The following MRO variants were observed in gnomAD, a reference collection of about 807,000 sequenced individuals.
MRO encodes maestro.
MRO carries 28 observed loss-of-function variants against 31.0 expected under a neutral mutation model. The observed-to-expected ratio is 0.90, with a 90% CI of 0.67 to 1.24. The LOEUF is 1.24. Ranked by LOEUF, MRO falls within the 50% of genes most tolerant of loss-of-function variation. MRO has a pLI of 0.00. For synonymous variants in MRO, 108 were observed against 108.4 expected (o/e 1.00, Z 0.02); for missense variants, 332 against 289.2 (o/e 1.15, Z -1.07).
At chr18:50,825,060 G>A (rs1056471090) in intron 1 of MRO, among the ~76,000 whole-genome samples, 13 of 139,826 alleles carry the variant, frequency 9.3e-5, no homozygotes, top group Non-Finnish European at 6.2e-5. Context: ...GGCCACAAGA[G>A]CAAGATTCCA....
At position 50,798,688 on chromosome 18, in the gene MRO, T is replaced by C. The variant is rs1444314438; in HGVS notation, c.*649A>G. ...CACTCGGTGTTACCTACTATTGTTA[T>C]CCCGTAAGTTATCATGAGCCTGAGG... On this transcript the variant is annotated 3_prime_UTR_variant, in exon 8 of 8. Transcript: ENST00000398439. 6.6e-6 allele frequency: 1 copy of C among 152,258 alleles called. No homozygotes were observed. The highest frequency in any genetic ancestry group is 2.4e-5 in the African/African-American group (1 of 41,456). The allele number at this position is 152,258 out of a possible 1,614,324, so 9.4% of individuals were successfully genotyped here.
rs61056069 is a variant in MRO, at chr18:50,818,093, C to A, written c.-5+1488G>T. The stretch of plus-strand genomic sequence containing the variant: ...ATCCAACAAAAACAAAAGGATCATT[C>A]TCATCTGTTGCAACACAGGATCTCA... On this transcript the variant is annotated intron_variant, in intron 2 of 7. Coordinates refer to ENST00000398439, the MANE Select transcript of MRO (RefSeq NM_031939.6). Among the ~76,000 whole-genome samples, 438 of 151,036 alleles carry A rather than the reference C, an allele frequency of 2.9e-3. 3 individuals carry two copies. Among genetic ancestry groups the A allele is most frequent in the African/African-American group, 9.8e-3 (403 of 41,096 alleles).
Position 50,799,218 on chromosome 18 carries a change from C to T in MRO, c.*119G>A, listed in dbSNP as rs1337428627. On this transcript the variant is annotated 3_prime_UTR_variant, in exon 8 of 8. Transcript: ENST00000398439. ...CCTTTGATTGCTCTCCCAGCACCCT[C>T]TTTCCCATTACAATCCCAAGAGGCA... The T allele has an allele frequency of 1.1e-6, 1 of 872,548 alleles. No homozygotes were observed. The highest frequency in any genetic ancestry group is 2.5e-5 in the East Asian group (1 of 40,706). 54.1% of individuals were successfully genotyped at this position (872,548 alleles called of 1,614,324 possible). A position where few individuals can be genotyped will look rare whatever the true frequency, so the allele number is the denominator to read the frequency against.
chr18:50,798,844 G>C lies in MRO; in HGVS notation c.*493C>G, dbSNP rs2144569131. The C allele has an allele frequency of 6.6e-6, 1 of 151,762 alleles. No homozygotes were observed. Among genetic ancestry groups the C allele is most frequent in the Non-Finnish European group, 1.5e-5 (1 of 68,112 alleles). 9.4% of individuals were successfully genotyped at this position (151,762 alleles called of 1,614,324 possible). A position where few individuals can be genotyped will look rare whatever the true frequency, so the allele number is the denominator to read the frequency against. ...TGCAAGCCACCTTCTTGGTATCTTGGCCAACTTTAAATAAATCTTGGCAAG... is the reference window on the plus strand; with the variant it reads ...TGCAAGCCACCTTCTTGGTATCTTGCCCAACTTTAAATAAATCTTGGCAAG... On this transcript the variant is annotated 3_prime_UTR_variant, in exon 8 of 8. Coordinates refer to ENST00000398439, the MANE Select transcript of MRO (RefSeq NM_031939.6).
chr18:50,801,368 C>T lies in MRO; in HGVS notation c.566G>A (p.Arg189Lys), dbSNP rs149505571. The T allele has an allele frequency of 2.5e-6, 4 of 1,592,592 alleles. No individual in the cohort carries two copies. The highest frequency in any genetic ancestry group is 3.4e-6 in the Non-Finnish European group (4 of 1,167,310). Residue 189 changes from arginine (R) to lysine (K), a missense_variant, in exon 6 of 8, where the codon AGA becomes AAA. Arg to Lys is a conservative substitution (Grantham distance 26). Transcript: ENST00000398439. ...TCTTACCTTGGCAACCTGGGGATTTCTGTCCTGTAAATGGATCAGGAGGGA... is the reference window on the plus strand; with the variant it reads ...TCTTACCTTGGCAACCTGGGGATTTTTGTCCTGTAAATGGATCAGGAGGGA... ...RDSLLIHLQD[R>K]NPQVAKACKT... is the part of the protein sequence containing the mutation.
chr18:50,797,939 T>G lies in MRO; in HGVS notation c.*1398A>C, dbSNP rs988495386. Reference sequence around the variant, plus strand: ...CTCCCACATCCTCATCTCGCCTAGGTCTCTCCTCATCCCCGCATCTGTGTC... The same window carrying G: ...CTCCCACATCCTCATCTCGCCTAGGGCTCTCCTCATCCCCGCATCTGTGTC... On this transcript the variant is annotated 3_prime_UTR_variant, in exon 8 of 8. Coordinates refer to ENST00000398439, the MANE Select transcript of MRO (RefSeq NM_031939.6). The G allele has an allele frequency of 6.6e-6, 1 of 152,446 alleles. No individual in the cohort carries two copies. Among genetic ancestry groups the G allele is most frequent in the Non-Finnish European group, 1.5e-5 (1 of 68,070 alleles). 9.4% of individuals were successfully genotyped at this position (152,446 alleles called of 1,614,324 possible).
At chr18:50,818,183 G>A (rs761416925) in intron 2 of MRO, among the ~76,000 whole-genome samples, 2 of 152,162 alleles carry the variant, frequency 1.3e-5, no homozygotes, top group Non-Finnish European at 2.9e-5. Flanking sequence ...TTCTTAGGAT[G>A]TTCTAACTCC....
At chr18:50,821,089 G>A (rs1915283886), upstream of MRO, among the ~76,000 whole-genome samples, 1 of 152,210 alleles carries the variant, frequency 6.6e-6, no homozygotes. Context: ...TGCTGCAAAA[G>A]GAAAGCAATA....
chr18:50,804,972 A>C (rs1221856726), intron 5 of MRO, among the ~76,000 whole-genome samples, 182 bp downstream of exon 5: 2 of 151,902 alleles, frequency 1.3e-5, no homozygotes, highest in Admixed American at 1.3e-4. Context: ...TTTGTATTTT[A>C]GTAAAGATAG....
At chr18:50,824,780 CAA>C (rs1214268733), upstream of MRO, among the ~76,000 whole-genome samples, 8 of 105,540 alleles carry the variant, frequency 7.6e-5, no homozygotes, top group Admixed American at 1.0e-4. Flanking sequence ...AAAAAAAGTT[CAA>C]AAAAAAAAAA....
Position 50,801,361 on chromosome 18 carries a change from G to A in MRO, c.573C>T (p.Pro191=), listed in dbSNP as rs758116459. Residue 191 remains proline (P), a synonymous_variant, in exon 6 of 8, where the codon CCC becomes CCT. Transcript: ENST00000398439. ...GTCAAGGTCTTACCTTGGCAACCTG[G>A]GGATTTCTGTCCTGTAAATGGATCA... The part of the protein sequence containing the change: ...SLLIHLQDRN[P]QVAKACKTTF... The A allele has an allele frequency of 2.6e-5, 41 of 1,583,164 alleles. No individual in the cohort carries two copies. Among genetic ancestry groups the A allele is most frequent in the Non-Finnish European group, 3.4e-5 (39 of 1,161,888 alleles).
chr18:50,807,811 A>T (rs1914090822), intron 3 of MRO, among the ~76,000 whole-genome samples: 1 of 152,186 alleles, frequency 6.6e-6, no homozygotes. Context: ...ACTAAACTCT[A>T]TCATGCCTGT....
chr18:50,799,924 G>T, intron 7 of MRO, 112 bp downstream of exon 7: 1 of 734,706 alleles, frequency 1.4e-6, no homozygotes, highest in Non-Finnish European at 2.3e-6. Flanking sequence ...AAACATAGTT[G>T]GCCTGAGTCA....
intron 2 of MRO, among the ~76,000 whole-genome samples, chr18:50,818,038 C>A (rs1382203072): frequency 6.9e-6 from 1 of 144,698 alleles, no homozygotes; most frequent in Non-Finnish European, 1.5e-5. Flanking sequence ...TGCCTCCCTC[C>A]TTTCTAAAAC....
chr18:50,795,215 A>G lies in MRO; in HGVS notation c.*4122T>C, dbSNP rs185182757. On this transcript the variant is annotated 3_prime_UTR_variant, in exon 8 of 8. Transcript: ENST00000398439. ...ACAGATTAAAACAAAATGTCTCAAA[A>G]AGACAAAGGCAAACACATACTATTG... 6.6e-6 allele frequency: 1 copy of G among 152,314 alleles called. No individual in the cohort carries two copies. The highest frequency in any genetic ancestry group is 6.5e-5 in the Admixed American group (1 of 15,296). The allele number at this position is 152,314 out of a possible 1,614,324, so 9.4% of individuals were successfully genotyped here.
intron 2 of MRO, among the ~76,000 whole-genome samples, chr18:50,813,195 G>A (rs1429344337): frequency 6.6e-6 from 1 of 152,150 alleles, no homozygotes; most frequent in East Asian, 1.9e-4. Context: ...GCTCCATTCT[G>A]GAGAGGTCCA....
upstream of MRO, among the ~76,000 whole-genome samples, chr18:50,824,815 C>A (rs900610858): frequency 4.7e-5 from 7 of 149,828 alleles, no homozygotes; most frequent in Non-Finnish European, 1.0e-4. Context: ...TGGCTCACGC[C>A]TATAATCCCC....
chr18:50,819,691 AGC>A lies in MRO; in HGVS notation c.-117_-116del, dbSNP rs770420424. ...TGTGATGACTCGGCTAAATTTTCCC[AGC>A]CCTGAATTCCTAACATACAAGAAGG... On this transcript the variant is annotated 5_prime_UTR_variant, in exon 2 of 8. An upstream open reading frame in the 5' UTR loses its in-frame stop. Transcript: ENST00000398439. 1 of 1,550,854 alleles carries A rather than the reference AGC, an allele frequency of 6.4e-7. No individual in the cohort carries two copies.
intron 3 of MRO, among the ~76,000 whole-genome samples, chr18:50,808,782 G>A (rs1310363526): frequency 2.0e-5 from 3 of 151,280 alleles, no homozygotes; most frequent in African/African-American, 7.3e-5. Context: ...TATTGAGTTA[G>A]CAGCAAGTTA....
Sources: allele counts gnomAD v4.1 joint callset (sites outside exome capture counted in the v4.1 genomes callset), GRCh38; gene constraint gnomAD v4.1.1; transcripts MANE v1.5; gene names NCBI Gene and HGNC (gene_info 2026-07-23, HGNC 2026-07-21).